Variants in GNG12 observed in about 807,000 individuals in gnomAD.
The protein encoded by GNG12 is G protein subunit gamma 12.
For synonymous variants in GNG12, 28 were observed against 29.7 expected (o/e 0.94, Z 0.19); for missense variants, 69 against 83.8 (o/e 0.82, Z 0.69).
intron 2 of GNG12, among the ~76,000 whole-genome samples, chr1:67,716,990 C>G (rs1382710059): frequency 6.6e-6 from 1 of 152,170 alleles, no homozygotes; most frequent in Non-Finnish European, 1.5e-5. Flanking sequence ...GCTGCAGAGC[C>G]TGGGCAGCGA....
intron 2 of GNG12, among the ~76,000 whole-genome samples, chr1:67,775,252 T>A (rs1646698151): frequency 6.6e-6 from 1 of 152,256 alleles, no homozygotes. Flanking sequence ...ATGGGCAAAC[T>A]GAGGCTCAGG....
chr1:67,802,296 T>C (rs776224695), intron 1 of GNG12, among the ~76,000 whole-genome samples: 4 of 152,110 alleles, frequency 2.6e-5, no homozygotes, highest in African/African-American at 9.7e-5. Flanking sequence ...ACATGTGATA[T>C]TGTAAATTAG....
rs923783425 is a variant in GNG12, at chr1:67,815,970, C to T, written c.-77+17374G>A. Among the ~76,000 whole-genome samples the T allele has an allele frequency of 2.6e-5, 4 of 152,112 alleles. 1 individual carries two copies. Among genetic ancestry groups the T allele is most frequent in the African/African-American group, 9.7e-5 (4 of 41,422 alleles). ...CCTGGAAGCTTTATTAGAGACTGTA[C>T]CCTCTGGGCCCCATGCCAGGGCTGG... On this transcript the variant is annotated intron_variant, in intron 1 of 3. Transcript: ENST00000370982.
intron 1 of GNG12, among the ~76,000 whole-genome samples, chr1:67,818,306 T>C (rs937371611): frequency 6.6e-6 from 1 of 151,926 alleles, no homozygotes; most frequent in African/African-American, 2.4e-5. Context: ...TCCAGAGAGA[T>C]TTAAGGTTAC....
chr1:67,755,123 G>T (rs1646560579), intron 2 of GNG12, among the ~76,000 whole-genome samples: 1 of 152,252 alleles, frequency 6.6e-6, no homozygotes, highest in African/African-American at 2.4e-5. Flanking sequence ...GTTACAAGAG[G>T]ATGGGATGCC....
chr1:67,754,595 C>T (rs915395703), intron 2 of GNG12, among the ~76,000 whole-genome samples: 1 of 152,210 alleles, frequency 6.6e-6, no homozygotes, highest in South Asian at 2.1e-4. Flanking sequence ...TCAATCCACT[C>T]TGCACACCCA....
chr1:67,805,571 C>G (rs1646890297), intron 1 of GNG12, among the ~76,000 whole-genome samples: 1 of 151,964 alleles, frequency 6.6e-6, no homozygotes, highest in African/African-American at 2.4e-5. Flanking sequence ...GAAAGAATCT[C>G]TAGGCTTGAA....
intron 2 of GNG12, among the ~76,000 whole-genome samples, chr1:67,724,176 G>A (rs1646372482): frequency 6.6e-6 from 1 of 152,162 alleles, no homozygotes. Context: ...AGAAACTAGG[G>A]AGAGTGAAGA....
intron 1 of GNG12, among the ~76,000 whole-genome samples, chr1:67,800,932 T>C (rs1646860922): frequency 6.6e-6 from 1 of 152,240 alleles, no homozygotes; most frequent in South Asian, 2.1e-4. Context: ...TTCTTGAATA[T>C]CTCAATAAAC....
chr1:67,770,383 T>A (rs1440112143), intron 2 of GNG12, among the ~76,000 whole-genome samples: 1 of 151,818 alleles, frequency 6.6e-6, no homozygotes, highest in East Asian at 1.9e-4. Flanking sequence ...AACCAAAATG[T>A]GAGAGGGAGC....
At chr1:67,807,698 A>C (rs1646901408) in intron 1 of GNG12, among the ~76,000 whole-genome samples, 2 of 152,110 alleles carry the variant, frequency 1.3e-5, no homozygotes, top group African/African-American at 2.4e-5. Flanking sequence ...CTATGTACAC[A>C]AATTTGATAA....
chr1:67,776,324 C>G (rs551084544), intron 2 of GNG12, among the ~76,000 whole-genome samples: 2 of 152,280 alleles, frequency 1.3e-5, no homozygotes, highest in Admixed American at 1.3e-4. Context: ...CCATGTGCCC[C>G]ATAAACACTA....
intron 2 of GNG12, among the ~76,000 whole-genome samples, chr1:67,732,570 G>A (rs1646426173): frequency 6.6e-6 from 1 of 152,224 alleles, no homozygotes; most frequent in South Asian, 2.1e-4. Context: ...GGAATCGAGT[G>A]GCAGGTCCCA....
rs1215424447 is a variant in GNG12 at position 67,787,065 on chromosome 1, GTGTGTA to G, written c.-76-9564_-76-9559del. ...TGTGTGTGTGTGTGTGTGTGTGTGT[GTGTGTA>G]TAGTCCCCCTCCTCAAGGAACCCAC... On this transcript the variant is annotated intron_variant, in intron 1 of 3. Transcript: ENST00000370982. Among the ~76,000 whole-genome samples the G allele has an allele frequency of 8.9e-5, 13 of 146,060 alleles. No individual in the cohort carries two copies. In the South Asian group the frequency reaches 1.1e-3, roughly 12 times the overall value.
At chr1:67,746,852 A>C (rs575227352) in intron 2 of GNG12, among the ~76,000 whole-genome samples, 1 of 152,326 alleles carries the variant, frequency 6.6e-6, no homozygotes, top group South Asian at 2.1e-4. Flanking sequence ...AGGGGGTAAA[A>C]TGATGTAGAA....
intron 1 of GNG12, among the ~76,000 whole-genome samples, chr1:67,819,394 C>T (rs776252265): frequency 3.3e-5 from 5 of 152,182 alleles, no homozygotes; most frequent in Admixed American, 6.5e-5. Flanking sequence ...ATTCTACAGA[C>T]TGTGATCTTC....
At chr1:67,716,459 T>C (rs917756439) in intron 2 of GNG12, among the ~76,000 whole-genome samples, 6 of 152,256 alleles carry the variant, frequency 3.9e-5, no homozygotes, top group Non-Finnish European at 7.3e-5. Context: ...GTAAATTCCA[T>C]GCAGCATTGC....
intron 2 of GNG12, among the ~76,000 whole-genome samples, chr1:67,730,083 A>G (rs1646409939): frequency 1.3e-5 from 2 of 152,258 alleles, no homozygotes; most frequent in African/African-American, 4.8e-5. Flanking sequence ...GACTAAAATG[A>G]GAACACAATG....
Position 67,721,319 on chromosome 1 carries a change from C to T in GNG12, c.-26-13607G>A, listed in dbSNP as rs544621698. 5.3e-5 allele frequency among the ~76,000 whole-genome samples: 8 copies of T among 152,250 alleles called. No homozygotes were observed. In the South Asian group the frequency reaches 1.2e-3, roughly 24 times the overall value. On this transcript the variant is annotated intron_variant, in intron 2 of 3. Coordinates refer to ENST00000370982, the MANE Select transcript of GNG12 (RefSeq NM_018841.6). Reference sequence around the variant, plus strand: ...GTGGAGTGACTCCAGCAAGGAAGTCCGCTACAGCTATGGTTCTAAACGCGT... The same window carrying T: ...GTGGAGTGACTCCAGCAAGGAAGTCTGCTACAGCTATGGTTCTAAACGCGT...
Sources: allele counts gnomAD v4.1 joint callset (sites outside exome capture counted in the v4.1 genomes callset), GRCh38; gene constraint gnomAD v4.1.1; transcripts MANE v1.5; gene names NCBI Gene and HGNC (gene_info 2026-07-23, HGNC 2026-07-21).